TNS3: variants seen among roughly 807,000 people sequenced by gnomAD.
TNS3 encodes the protein tensin 3, also known as tensin-3.
Under a neutral mutation model 140.9 loss-of-function variants are expected in TNS3, and 45 were observed. The ratio of observed to expected loss-of-function variants is 0.32; its 90% confidence interval spans 0.25 to 0.41. The LOEUF (loss-of-function observed/expected upper bound fraction) is 0.41. Among genes scored for constraint, TNS3 ranks in the 10% least tolerant of loss-of-function variants. The pLI is 1.00. For missense variants in TNS3, 1,716 were observed against 1,906.7 expected, an observed-to-expected ratio of 0.90 and a Z score of 1.86; for synonymous variants, 815 against 788.4, an observed-to-expected ratio of 1.03 and a Z score of -0.56.
At chr7:47,393,507 G>A (rs1025115180) in intron 16 of TNS3, among the ~76,000 whole-genome samples, 4 of 152,126 alleles carry the variant, frequency 2.6e-5, no homozygotes, top group African/African-American at 4.8e-5. Flanking sequence ...CGTGTGGCGG[G>A]TTCTGGGCTA....
At chr7:47,363,135 GTCA>G (rs1376177330) in intron 17 of TNS3, among the ~76,000 whole-genome samples, 423 of 39,084 alleles carry the variant, frequency 0.011, 4 homozygotes, top group African/African-American at 0.034. Context: ...CATCATCACT[GTCA>G]TCATCACCAT....
chr7:47,491,990 A>G (rs1016543946), intron 3 of TNS3, among the ~76,000 whole-genome samples: 9 of 152,214 alleles, frequency 5.9e-5, no homozygotes, highest in African/African-American at 2.2e-4. Flanking sequence ...AGTCTAAGCA[A>G]ATGAAGGAAC....
intron 4 of TNS3, among the ~76,000 whole-genome samples, chr7:47,453,392 T>G (rs1796110729): frequency 6.6e-6 from 1 of 152,060 alleles, no homozygotes; most frequent in Non-Finnish European, 1.5e-5. Flanking sequence ...AAAACCTACT[T>G]CGAGCTGCTG....
intron 21 of TNS3, among the ~76,000 whole-genome samples, chr7:47,304,250 C>T (rs757569627): frequency 2.6e-5 from 4 of 152,144 alleles, no homozygotes; most frequent in Admixed American, 6.5e-5. Context: ...CTTACGAGTA[C>T]GGAAAGACAG....
rs1196191657 is a variant in TNS3 at position 47,430,860 on chromosome 7, A to G, written c.325-2484T>C. Among the ~76,000 whole-genome samples, 3 of 152,020 alleles carry G rather than the reference A, an allele frequency of 2.0e-5. No individual in the cohort carries two copies. In the East Asian group the frequency reaches 5.8e-4, roughly 29 times the overall value. ...CTCAGCCTCCCGAGTAGCTGGGAATACAGGTGCATGCCACCACACCCAGCT... is the reference window on the plus strand; with the variant it reads ...CTCAGCCTCCCGAGTAGCTGGGAATGCAGGTGCATGCCACCACACCCAGCT... On this transcript the variant is annotated intron_variant, in intron 8 of 30. Transcript: ENST00000311160.
At chr7:47,291,710 C>T (rs772605840) in intron 27 of TNS3, among the ~76,000 whole-genome samples, 29 of 151,956 alleles carry the variant, frequency 1.9e-4, no homozygotes, top group Non-Finnish European at 4.3e-4. Flanking sequence ...AAACTAAATC[C>T]AGGGCTTGAC....
At chr7:47,351,233 G>A (rs894959921) in intron 17 of TNS3, among the ~76,000 whole-genome samples, 11 of 152,178 alleles carry the variant, frequency 7.2e-5, no homozygotes, top group African/African-American at 2.7e-4. Context: ...TCACGTGTTT[G>A]ATCCTTACAC....
At chr7:47,503,893 G>T (rs992784379) in intron 3 of TNS3, among the ~76,000 whole-genome samples, 4 of 152,044 alleles carry the variant, frequency 2.6e-5, no homozygotes, top group Admixed American at 6.5e-5. Flanking sequence ...AAGAGGTAAG[G>T]GATCTCTCTG....
intron 1 of TNS3, among the ~76,000 whole-genome samples, chr7:47,567,022 C>T (rs1800443731): frequency 8.5e-6 from 1 of 118,246 alleles, no homozygotes; most frequent in Non-Finnish European, 1.7e-5. Flanking sequence ...CAAAGCCGGA[C>T]TCCATCTCAA....
intron 1 of TNS3, chr7:47,557,181 A>C (rs1167541290): frequency 2.2e-6 from 1 of 455,970 alleles, no homozygotes; most frequent in East Asian, 6.9e-5. Flanking sequence ...AACAATCCTT[A>C]AGACCAACAG....
chr7:47,413,174 A>C (rs550529709), intron 12 of TNS3, among the ~76,000 whole-genome samples: 1 of 150,374 alleles, frequency 6.7e-6, no homozygotes, highest in African/African-American at 2.5e-5. Context: ...GGATGGTCTC[A>C]ATCTCTTGAC....
intron 1 of TNS3, among the ~76,000 whole-genome samples, chr7:47,530,392 G>A (rs1799348687): frequency 6.6e-6 from 1 of 152,130 alleles, no homozygotes; most frequent in Non-Finnish European, 1.5e-5. Context: ...TAAGCTGTGG[G>A]AGAACTTTAA....
chr7:47,442,535 A>G (rs1795518391), intron 4 of TNS3, among the ~76,000 whole-genome samples: 2 of 152,252 alleles, frequency 1.3e-5, no homozygotes, highest in Admixed American at 1.3e-4. Context: ...ATAGTTATAT[A>G]ACTCTTCCTT....
intron 13 of TNS3, among the ~76,000 whole-genome samples, chr7:47,408,521 A>G (rs1219625721): frequency 1.3e-5 from 2 of 152,030 alleles, no homozygotes; most frequent in African/African-American, 4.8e-5. Context: ...CCCAAAGACT[A>G]AGCCACAGTC....
At chr7:47,424,012 G>T in intron 10 of TNS3, 89 bp downstream of exon 10, 1 of 1,284,972 alleles carries the variant, frequency 7.8e-7, no homozygotes, top group Non-Finnish European at 1.1e-6. Context: ...TTAGGTGTCG[G>T]GACAGAGGAG....
chr7:47,381,546 G>A (rs1791760239), intron 16 of TNS3, among the ~76,000 whole-genome samples: 1 of 152,148 alleles, frequency 6.6e-6, no homozygotes. Flanking sequence ...CCGTTCTGAT[G>A]CCTTCAGGTT....
At chr7:47,454,976 C>G (rs1194758684) in intron 4 of TNS3, among the ~76,000 whole-genome samples, 8 of 152,164 alleles carry the variant, frequency 5.3e-5, no homozygotes, top group Admixed American at 5.2e-4. Flanking sequence ...TGCGTTCTGT[C>G]CTGTTAGATG....
intron 17 of TNS3, among the ~76,000 whole-genome samples, chr7:47,367,540 C>T (rs969400685): frequency 6.6e-6 from 1 of 152,230 alleles, no homozygotes; most frequent in Non-Finnish European, 1.5e-5. Flanking sequence ...AGGCACTGTG[C>T]TGGTTTCCAA....
chr7:47,576,362 C>T (rs2152026264), intron 1 of TNS3, among the ~76,000 whole-genome samples: 1 of 152,334 alleles, frequency 6.6e-6, no homozygotes, highest in Non-Finnish European at 1.5e-5. Context: ...GGAGGAACGA[C>T]AACCCCAGGC....
Sources: allele counts gnomAD v4.1 joint callset (sites outside exome capture counted in the v4.1 genomes callset), GRCh38; gene constraint gnomAD v4.1.1; transcripts MANE v1.5; gene names NCBI Gene and HGNC (gene_info 2026-07-23, HGNC 2026-07-21).